Variants in NEK6 observed in about 807,000 individuals in gnomAD.
NEK6 encodes NIMA related kinase 6.
In NEK6, 27 loss-of-function variants were observed where a neutral mutation model predicts 43.5. That is an observed-to-expected ratio of 0.62 (90% confidence interval 0.46 to 0.86). The LOEUF is 0.86. Among genes scored for constraint, NEK6 ranks in the 40% least tolerant of loss-of-function variants. The pLI is 0.00. For missense variants in NEK6, 318 were observed against 414.4 expected, an observed-to-expected ratio of 0.77 and a Z score of 2.02; for synonymous variants, 167 against 164.1, an observed-to-expected ratio of 1.02 and a Z score of -0.14.
chr9:124,275,221 C>T lies in NEK6; in HGVS notation c.-30+17136C>T, dbSNP rs1352522305. Among the ~76,000 whole-genome samples the T allele has an allele frequency of 6.6e-6, 1 of 152,166 alleles. No homozygotes were observed. The highest frequency in any genetic ancestry group is 1.5e-5 in the Non-Finnish European group (1 of 68,022). ...ATCCTACAGTGAATGTTTTTAAAAA[C>T]GTAATTTTAAACTTCTAGGGATGAG... On this transcript the variant is annotated intron_variant, in intron 1 of 9. Transcript: ENST00000320246. This position sits in a 1 kb window ranked among gnomAD's most constrained non-coding sequence, Gnocchi z 4.4.
In NEK6 at chr9:124,324,950, A is replaced by C. The variant is rs1278408329; in HGVS notation, c.406-1380A>C. On this transcript the variant is annotated intron_variant, in intron 5 of 9. Coordinates refer to ENST00000320246, the MANE Select transcript of NEK6 (RefSeq NM_014397.6). The surrounding 1 kb of genome is among the most constrained non-coding windows in gnomAD (Gnocchi z 5.3). ...AGCACTTTGGGAGGCCGAGGCAGGC[A>C]GATCACCTGAGGTGAGGAGTTCGAG... 6.6e-6 allele frequency among the ~76,000 whole-genome samples: 1 copy of C among 152,084 alleles called. No homozygotes were observed. Among genetic ancestry groups the C allele is most frequent in the Non-Finnish European group, 1.5e-5 (1 of 67,996 alleles).
chr9:124,312,466 T>C, intron 2 of NEK6, 43 bp from the exon 3 acceptor site: 2 of 1,595,222 alleles, frequency 1.3e-6, no homozygotes, highest in Non-Finnish European at 8.5e-7. Context: ...AGGCCTCTGC[T>C]GCAGCCTGGC....
intron 5 of NEK6, 64 bp downstream of exon 5, chr9:124,321,633 T>C: frequency 9.2e-7 from 1 of 1,091,468 alleles, no homozygotes; most frequent in Non-Finnish European, 1.4e-6. Context: ...GGTGGCAGTC[T>C]TCCTTTAGCC....
chr9:124,303,446 G>T (rs1473462758), intron 2 of NEK6, among the ~76,000 whole-genome samples: 1 of 152,216 alleles, frequency 6.6e-6, no homozygotes, highest in Non-Finnish European at 1.5e-5. Flanking sequence ...AGGCAGGTAG[G>T]TCTGAAATCC....
intron 5 of NEK6, among the ~76,000 whole-genome samples, chr9:124,323,043 C>T (rs1261938854): frequency 1.3e-5 from 2 of 152,246 alleles, no homozygotes; most frequent in Non-Finnish European, 2.9e-5. Flanking sequence ...CACACGGATT[C>T]CCTTGCTGAA....
At chr9:124,319,345 G>A (rs1249530875) in intron 4 of NEK6, among the ~76,000 whole-genome samples, 1 of 151,854 alleles carries the variant, frequency 6.6e-6, no homozygotes, top group African/African-American at 2.4e-5. Context: ...TATAGATTCT[G>A]GACATTAGTC....
intron 8 of NEK6, 56 bp from the exon 9 acceptor site, chr9:124,347,653 A>C (rs1588554326): frequency 8.7e-7 from 1 of 1,153,210 alleles, no homozygotes; most frequent in Non-Finnish European, 1.3e-6. Flanking sequence ...CCTCCTCTCT[A>C]GTCCTTCTGA....
At chr9:124,300,466 TTGAC>T (rs1459400318) in intron 1 of NEK6, among the ~76,000 whole-genome samples, 2 of 152,058 alleles carry the variant, frequency 1.3e-5, no homozygotes, top group Non-Finnish European at 2.9e-5. Context: ...GGTTTGGAAT[TTGAC>T]TGGGGCATAG....
chr9:124,295,600 G>C (rs944770614), intron 1 of NEK6, among the ~76,000 whole-genome samples: 1 of 152,204 alleles, frequency 6.6e-6, no homozygotes, highest in African/African-American at 2.4e-5. Context: ...CACTCAACCT[G>C]TCTGAACTTT....
chr9:124,346,524 G>A (rs1010730073), intron 8 of NEK6, among the ~76,000 whole-genome samples: 1 of 152,180 alleles, frequency 6.6e-6, no homozygotes, highest in African/African-American at 2.4e-5. Context: ...GGGGAACCGG[G>A]GCCAGACAGC....
intron 1 of NEK6, among the ~76,000 whole-genome samples, chr9:124,271,265 C>T (rs575548918): frequency 2.0e-5 from 3 of 152,252 alleles, no homozygotes; most frequent in South Asian, 4.1e-4. Context: ...TCGAGTGGCG[C>T]GGTTGCCAAC....
At chr9:124,306,819 A>G (rs1028153065) in intron 2 of NEK6, among the ~76,000 whole-genome samples, 3 of 152,222 alleles carry the variant, frequency 2.0e-5, no homozygotes, top group Admixed American at 6.5e-5. Context: ...TTTAAAATAT[A>G]TCGCTATATA....
chr9:124,328,575 G>A (rs1342411584), intron 7 of NEK6, among the ~76,000 whole-genome samples: 1 of 152,202 alleles, frequency 6.6e-6, no homozygotes, highest in Non-Finnish European at 1.5e-5. Context: ...CCCACTCCAT[G>A]GCTCAAGCCA....
intron 1 of NEK6, among the ~76,000 whole-genome samples, chr9:124,288,089 G>A (rs1564623561): frequency 1.3e-5 from 2 of 152,234 alleles, no homozygotes; most frequent in South Asian, 2.1e-4. Context: ...CCCAAAAGGC[G>A]GATCCCCAGA....
At chr9:124,333,299 C>G (rs1053774056) in intron 7 of NEK6, among the ~76,000 whole-genome samples, 2 of 152,228 alleles carry the variant, frequency 1.3e-5, no homozygotes, top group Non-Finnish European at 2.9e-5. Context: ...GTTGCCATCA[C>G]AGGAAGAGGT....
intron 1 of NEK6, among the ~76,000 whole-genome samples, chr9:124,274,382 G>T (rs1322162559): frequency 6.6e-6 from 1 of 152,256 alleles, no homozygotes; most frequent in East Asian, 1.9e-4. Context: ...GCCTGGCACT[G>T]TGCTGGCCAA....
chr9:124,306,714 G>A (rs183330236), intron 2 of NEK6, among the ~76,000 whole-genome samples: 180 of 152,334 alleles, frequency 1.2e-3, no homozygotes, highest in South Asian at 5.0e-3. Flanking sequence ...TGGGTCTGAA[G>A]TTAGGCAGAT....
At chr9:124,263,194 C>T (rs11790948) in intron 1 of NEK6, among the ~76,000 whole-genome samples, 17 of 152,242 alleles carry the variant, frequency 1.1e-4, no homozygotes, top group Non-Finnish European at 2.4e-4. Flanking sequence ...ATTCACTGGG[C>T]TCCCAATCCA....
intron 9 of NEK6, among the ~76,000 whole-genome samples, chr9:124,350,633 A>T (rs1180060454): frequency 6.6e-6 from 1 of 152,104 alleles, no homozygotes; most frequent in Non-Finnish European, 1.5e-5. Context: ...CAGGCCTGGG[A>T]GGGGTACTGG....
Sources: allele counts gnomAD v4.1 joint callset (sites outside exome capture counted in the v4.1 genomes callset), GRCh38; gene constraint gnomAD v4.1.1; non-coding constraint Gnocchi (gnomAD v3.1); transcripts MANE v1.5; gene names NCBI Gene and HGNC (gene_info 2026-07-23, HGNC 2026-07-21).